SORCS3: variants seen among roughly 807,000 people sequenced by gnomAD.
SORCS3 encodes sortilin related VPS10 domain containing receptor 3, also known as VPS10 domain-containing receptor SorCS3.
A neutral mutation model predicts 146.3 loss-of-function variants in SORCS3; 57 were observed. The observed-to-expected ratio is 0.39, with a 90% CI of 0.31 to 0.49. The LOEUF (loss-of-function observed/expected upper bound fraction) is 0.49. SORCS3 is among the 20% of genes least tolerant of loss of function. The probability of loss-of-function intolerance (pLI) is 0.92; values close to 1 mark genes in which losing one functional copy is unlikely to be tolerated. For synonymous variants in SORCS3, 653 were observed against 618.5 expected (o/e 1.06, Z -0.83); for missense variants, 1,341 against 1,575.5 (o/e 0.85, Z 2.52).
At chr10:105,151,899 T>G (rs791133) in intron 9 of SORCS3, among the ~76,000 whole-genome samples, 78,908 of 151,772 alleles carry the variant, frequency 0.52, 20,824 homozygotes, top group Middle Eastern at 0.56. Context: ...AGTAATAATC[T>G]ATCTCTTCTT....
At chr10:104,955,168 G>A (rs1031100836) in intron 3 of SORCS3, among the ~76,000 whole-genome samples, 11 of 151,266 alleles carry the variant, frequency 7.3e-5, no homozygotes, top group Non-Finnish European at 1.3e-4. Context: ...TTAAGTAGTC[G>A]TTTCCCATTC....
intron 5 of SORCS3, among the ~76,000 whole-genome samples, chr10:105,068,509 A>C (rs1354103402): frequency 6.6e-6 from 1 of 152,200 alleles, no homozygotes; most frequent in Non-Finnish European, 1.5e-5. Flanking sequence ...TTTTACTGCC[A>C]AAACTTGAGT....
In SORCS3 at chr10:104,762,791, G is replaced by C. The variant is rs138882032; in HGVS notation, c.628-80001G>C. Among the ~76,000 whole-genome samples, 88 of 152,262 alleles carry C rather than the reference G, an allele frequency of 5.8e-4. 1 individual carries two copies. In the East Asian group the frequency reaches 0.016, roughly 28 times the overall value. On this transcript the variant is annotated intron_variant, in intron 1 of 26. Coordinates refer to ENST00000369701, the MANE Select transcript of SORCS3 (RefSeq NM_014978.3). Reference sequence around the variant, plus strand: ...TTCTCCTGTACCTTCCATCATGATTGTAAGTTTCCTGAGGCTTCTCTAGCC... The same window carrying C: ...TTCTCCTGTACCTTCCATCATGATTCTAAGTTTCCTGAGGCTTCTCTAGCC...
intron 1 of SORCS3, among the ~76,000 whole-genome samples, chr10:104,728,289 A>G (rs1012100737): frequency 6.6e-6 from 1 of 152,248 alleles, no homozygotes; most frequent in South Asian, 2.1e-4. Flanking sequence ...TTTAAGATTC[A>G]GGGTGCTGCT....
chr10:104,641,809 C>G lies in SORCS3; in HGVS notation c.482C>G (p.Ala161Gly). The G allele has an allele frequency of 1.3e-6, 2 of 1,553,288 alleles. No individual in the cohort carries two copies. Among genetic ancestry groups the G allele is most frequent in the Non-Finnish European group, 1.7e-6 (2 of 1,149,632 alleles). Residue 161 changes from alanine to glycine, a missense_variant, in exon 1 of 27, where the codon GCT (alanine) becomes GGT (glycine). Physicochemically the swap from Ala to Gly is moderately conservative, Grantham distance 60. Coordinates refer to ENST00000369701, the MANE Select transcript of SORCS3 (RefSeq NM_014978.3). This position sits in a 1 kb window ranked among gnomAD's most constrained non-coding sequence, Gnocchi z 6.4. The stretch of plus-strand genomic sequence containing the variant: ...GGTTCCAGAGGAAGCCGTCCCCTTG[C>G]TAAGGGTTCCCGGGAGGAGGTGAAG... ...ADGSRGSRPL[A>G]KGSREEVKAP...
chr10:104,982,211 G>A (rs181554259), intron 4 of SORCS3, among the ~76,000 whole-genome samples: 7 of 152,270 alleles, frequency 4.6e-5, no homozygotes, highest in East Asian at 1.9e-4. Context: ...CTTGTCCCAC[G>A]CAGGCTTTGC....
intron 23 of SORCS3, 140 bp from the exon 24 acceptor site, chr10:105,255,562 C>T (rs1470508567): frequency 3.1e-5 from 19 of 615,792 alleles, no homozygotes; most frequent in East Asian, 5.6e-5. Context: ...AGAACCAAAT[C>T]GATAAATATT....
At chr10:104,999,052 G>A (rs1260637536) in intron 4 of SORCS3, among the ~76,000 whole-genome samples, 4 of 152,148 alleles carry the variant, frequency 2.6e-5, no homozygotes, top group African/African-American at 9.7e-5. Flanking sequence ...GCAAACCTTC[G>A]TATTACTGGT....
intron 14 of SORCS3, among the ~76,000 whole-genome samples, chr10:105,184,784 T>A (rs1247065225): frequency 6.6e-6 from 1 of 152,196 alleles, no homozygotes; most frequent in East Asian, 1.9e-4. Context: ...CTCCAAAAAT[T>A]ACCTTTTGTT....
chr10:105,108,561 A>C (rs560134405), intron 7 of SORCS3, among the ~76,000 whole-genome samples: 77 of 152,316 alleles, frequency 5.1e-4, no homozygotes, highest in Non-Finnish European at 1.0e-3. Context: ...AGAAACCTGC[A>C]ATGAGACCTA....
At chr10:104,892,201 CT>C (rs2018755934) in intron 2 of SORCS3, among the ~76,000 whole-genome samples, 1 of 152,146 alleles carries the variant, frequency 6.6e-6, no homozygotes, top group Non-Finnish European at 1.5e-5. Context: ...TGTAAGTATA[CT>C]AATAACTTAA....
intron 4 of SORCS3, among the ~76,000 whole-genome samples, chr10:105,017,259 G>A (rs1488870197): frequency 6.6e-6 from 1 of 152,052 alleles, no homozygotes; most frequent in East Asian, 1.9e-4. Context: ...AAGTGGTGGT[G>A]GTACCAGTAG....
At chr10:104,840,447 C>T (rs1469608592) in intron 1 of SORCS3, among the ~76,000 whole-genome samples, 1 of 152,192 alleles carries the variant, frequency 6.6e-6, no homozygotes, top group Non-Finnish European at 1.5e-5. Context: ...TTCCCCACCA[C>T]AGCACCTATC....
intron 3 of SORCS3, among the ~76,000 whole-genome samples, chr10:104,928,321 T>C (rs1265292617): frequency 2.0e-5 from 3 of 152,128 alleles, no homozygotes; most frequent in African/African-American, 4.8e-5. Context: ...TCCTCTCTTC[T>C]CACATGCACT....
chr10:104,744,041 G>A (rs948278378), intron 1 of SORCS3, among the ~76,000 whole-genome samples: 1 of 152,110 alleles, frequency 6.6e-6, no homozygotes, highest in Non-Finnish European at 1.5e-5. Flanking sequence ...TCACAACACT[G>A]TGAGATGGAC....
At chr10:105,156,245 C>G (rs563067140) in intron 9 of SORCS3, among the ~76,000 whole-genome samples, 2 of 152,322 alleles carry the variant, frequency 1.3e-5, no homozygotes, top group South Asian at 4.1e-4. Flanking sequence ...TTGAAACATG[C>G]TATAACTTCT....
intron 1 of SORCS3, among the ~76,000 whole-genome samples, chr10:104,737,605 T>C (rs974235407): frequency 2.5e-4 from 38 of 152,360 alleles, no homozygotes; most frequent in African/African-American, 6.7e-4. Flanking sequence ...TCATATCCTT[T>C]GCCCACTTTT....
At chr10:104,884,825 T>C (rs1476713774) in intron 2 of SORCS3, among the ~76,000 whole-genome samples, 2 of 151,878 alleles carry the variant, frequency 1.3e-5, no homozygotes, top group Non-Finnish European at 2.9e-5. Context: ...CATAATCTGA[T>C]CTCATGTATT....
intron 5 of SORCS3, among the ~76,000 whole-genome samples, chr10:105,067,409 C>G (rs2055529466): frequency 6.6e-6 from 1 of 152,166 alleles, no homozygotes; most frequent in African/African-American, 2.4e-5. Context: ...CGCCGGTATT[C>G]CCAGGTACTC....
Sources: gnomAD v4.1 joint callset for allele counts (sites outside exome capture counted in the v4.1 genomes callset) on GRCh38, gnomAD v4.1.1 for gene constraint, Gnocchi (gnomAD v3.1) non-coding constraint, MANE v1.5 for transcripts, NCBI Gene and HGNC (gene_info 2026-07-23, HGNC 2026-07-21) for gene names.